The following CNDP2 variants were observed in gnomAD, a reference collection of about 807,000 sequenced individuals.
CNDP2 encodes the protein carnosine dipeptidase 2.
In CNDP2, 38 loss-of-function variants were observed where a neutral mutation model predicts 55.0. That is an observed-to-expected ratio of 0.69 (90% confidence interval 0.53 to 0.90). The LOEUF (loss-of-function observed/expected upper bound fraction) is 0.90. Among genes scored for constraint, CNDP2 ranks in the 40% least tolerant of loss-of-function variants. The pLI is 0.00. For missense variants in CNDP2, 607 were observed against 621.7 expected, an observed-to-expected ratio of 0.98 and a Z score of 0.25; for synonymous variants, 241 against 260.2, an observed-to-expected ratio of 0.93 and a Z score of 0.71.
intron 3 of CNDP2, among the ~76,000 whole-genome samples, chr18:74,501,966 C>T (rs1300080144): frequency 6.6e-6 from 1 of 151,906 alleles, no homozygotes; most frequent in Non-Finnish European, 1.5e-5. Context: ...TGATCTCGGC[C>T]CACTGCAACC....
intron 8 of CNDP2, among the ~76,000 whole-genome samples, chr18:74,514,360 T>C (rs1178661031): frequency 6.6e-6 from 1 of 152,128 alleles, no homozygotes; most frequent in Non-Finnish European, 1.5e-5. Context: ...GCTGTAGGTT[T>C]ATGCGGTACA....
intron 10 of CNDP2, 84 bp from the exon 11 acceptor site, chr18:74,518,865 A>C (rs773386314): frequency 8.9e-6 from 14 of 1,572,366 alleles, no homozygotes; most frequent in Non-Finnish European, 1.2e-5. Flanking sequence ...CATCTGACTG[A>C]GTGCTACTGA....
chr18:74,520,164 C>G lies in CNDP2; in HGVS notation c.*96C>G. 1 of 1,149,428 alleles carries G rather than the reference C, an allele frequency of 8.7e-7. No homozygotes were observed. Among genetic ancestry groups the G allele is most frequent in the Non-Finnish European group, 1.3e-6 (1 of 775,374 alleles). 71.2% of individuals were successfully genotyped at this position (1,149,428 alleles called of 1,614,324 possible). On this transcript the variant is annotated 3_prime_UTR_variant, in exon 12 of 12. Coordinates refer to ENST00000324262, the MANE Select transcript of CNDP2 (RefSeq NM_018235.3). ...CAGGGAAGTGGAGGTTCCCTCTTTC[C>G]TTTCCCTCTTGTCAGGTCATCCATG...
rs542450633 is a variant in CNDP2 at position 74,520,910 on chromosome 18, A to G, written c.*842A>G. ...CCTTCTGTCTCAGGTGATGCATTGC[A>G]CATTTGGGATATTTGGAAAGGAAAT... is the stretch of plus-strand genomic sequence containing the variant. On this transcript the variant is annotated 3_prime_UTR_variant, in exon 12 of 12. Coordinates refer to ENST00000324262, the MANE Select transcript of CNDP2 (RefSeq NM_018235.3). 15 of 152,334 alleles carry G rather than the reference A, an allele frequency of 9.8e-5. No individual in the cohort carries two copies. Among genetic ancestry groups the G allele is most frequent in the African/African-American group, 3.4e-4 (14 of 41,562 alleles). 9.4% of individuals were successfully genotyped at this position (152,334 alleles called of 1,614,324 possible). A position where few individuals can be genotyped will look rare whatever the true frequency, so the allele number is the denominator to read the frequency against.
intron 6 of CNDP2, 120 bp downstream of exon 6, chr18:74,511,133 A>G: frequency 1.3e-6 from 1 of 793,810 alleles, no homozygotes; most frequent in East Asian, 2.7e-5. Context: ...CACAGGGCTC[A>G]CTTAGTGCCC....
intron 7 of CNDP2, among the ~76,000 whole-genome samples, chr18:74,513,344 G>A (rs939541517): frequency 5.9e-5 from 9 of 152,364 alleles, no homozygotes; most frequent in South Asian, 2.1e-4. Flanking sequence ...CTGAGGCCCC[G>A]GACGGTGCCT....
intron 4 of CNDP2, chr18:74,508,327 A>G (rs1979149478): frequency 6.5e-6 from 1 of 154,206 alleles, no homozygotes; most frequent in African/African-American, 2.4e-5. Flanking sequence ...AGTGATAACT[A>G]CAGAAAGAAA....
intron 9 of CNDP2, chr18:74,517,725 G>A (rs984503183): frequency 6.6e-6 from 1 of 151,982 alleles, no homozygotes; most frequent in Non-Finnish European, 1.5e-5. Flanking sequence ...TCTCACATTT[G>A]TGACTTTGTC....
At chr18:74,496,699 G>T (rs752154769) in intron 1 of CNDP2, among the ~76,000 whole-genome samples, 3 of 152,216 alleles carry the variant, frequency 2.0e-5, no homozygotes, top group Non-Finnish European at 4.4e-5. Flanking sequence ...TCCCCGGTAC[G>T]CAGGGACAAG....
chr18:74,501,186 G>A, intron 2 of CNDP2, 143 bp from the exon 3 acceptor site: 1 of 1,414,380 alleles, frequency 7.1e-7, no homozygotes, highest in South Asian at 1.6e-5. Flanking sequence ...AAGCACACGT[G>A]ATGGGTCTGT....
chr18:74,516,343 T>A lies in CNDP2; in HGVS notation c.1019T>A (p.Phe340Tyr), dbSNP rs370269217. The change falls in exon 9 of 12, where the codon TTC becomes TAC. Residue 340 changes from phenylalanine (F) to tyrosine (Y), a missense_variant. Transcript: ENST00000324262. ...TVIPRKVVGK[F>Y]SIRLVPNMTP... The stretch of plus-strand genomic sequence containing the variant: ...ATTCCCAGGAAGGTGGTTGGCAAGT[T>A]CTCCATCAGGCTCGTGCCGAACATG... 19 of 1,613,768 alleles carry A rather than the reference T, an allele frequency of 1.2e-5. No homozygotes were observed. In the African/African-American group the frequency reaches 2.3e-4, roughly 19 times the overall value.
intron 6 of CNDP2, 130 bp from the exon 7 acceptor site, chr18:74,512,318 C>T: frequency 1.3e-6 from 1 of 762,028 alleles, no homozygotes; most frequent in Non-Finnish European, 2.1e-6. Context: ...TTGCTTTGCT[C>T]CCTGAGGGAG....
chr18:74,513,389 C>T (rs1979462990), intron 7 of CNDP2, among the ~76,000 whole-genome samples, 170 bp from the exon 8 acceptor site: 1 of 152,244 alleles, frequency 6.6e-6, no homozygotes, highest in Non-Finnish European at 1.5e-5. Context: ...CATCTGCGAG[C>T]ATCATTCTGT....
chr18:74,510,212 C>G lies in CNDP2; in HGVS notation c.457-601C>G, dbSNP rs191201989. Among the ~76,000 whole-genome samples, 147 of 152,306 alleles carry G rather than the reference C, an allele frequency of 9.7e-4. 1 individual carries two copies. In the South Asian group the frequency reaches 0.03, roughly 31 times the overall value. ...GCTGTCTGGGGGCAGCCTGGGTGGT[C>G]GTGAAATAGGACTCAGTAGCCTTGA... On this transcript the variant is annotated intron_variant, in intron 5 of 11. Transcript: ENST00000324262.
intron 10 of CNDP2, 97 bp from the exon 11 acceptor site, chr18:74,518,851 AC>A: frequency 5.2e-6 from 8 of 1,546,592 alleles, no homozygotes; most frequent in Non-Finnish European, 5.3e-6. Context: ...AGGGCCTTGC[AC>A]AGCATCTGAC....
chr18:74,516,466 G>A, intron 9 of CNDP2, 74 bp downstream of exon 9: 10 of 1,412,434 alleles, frequency 7.1e-6, no homozygotes, highest in Non-Finnish European at 9.4e-6. Context: ...AATATAGGCT[G>A]TTACTCGACA....
chr18:74,505,053 C>T (rs1033169917), intron 3 of CNDP2: 3 of 152,130 alleles, frequency 2.0e-5, no homozygotes, highest in African/African-American at 7.2e-5. Flanking sequence ...AGAAGGCGTA[C>T]CTGCTATCAC....
intron 3 of CNDP2, among the ~76,000 whole-genome samples, chr18:74,502,639 G>A (rs2144576651): frequency 6.6e-6 from 1 of 152,166 alleles, no homozygotes; most frequent in East Asian, 1.9e-4. Context: ...TCAGCCTTAT[G>A]TTAATTGCAT....
At chr18:74,516,497 C>T (rs1337146279) in intron 9 of CNDP2, 105 bp downstream of exon 9, 2 of 1,165,268 alleles carry the variant, frequency 1.7e-6, no homozygotes, top group East Asian at 2.6e-5. Context: ...CCATGCATGC[C>T]CCCGCTTCCT....
Sources: gnomAD v4.1 joint callset for allele counts (sites outside exome capture counted in the v4.1 genomes callset) on GRCh38, gnomAD v4.1.1 for gene constraint, MANE v1.5 for transcripts, NCBI Gene and HGNC (gene_info 2026-07-23, HGNC 2026-07-21) for gene names.